The following SOX5 variants were observed in gnomAD, a reference collection of about 807,000 sequenced individuals.
SOX5 encodes transcription factor SOX-5.
A neutral mutation model predicts 92.0 loss-of-function variants in SOX5; 9 were observed. The observed-to-expected ratio is 0.10, with a 90% CI of 0.06 to 0.17. SOX5 has a LOEUF of 0.17. Ranked by LOEUF, SOX5 falls within the 10% of genes least tolerant of loss-of-function variation. The pLI, the probability that SOX5 is intolerant of heterozygous loss-of-function variation, is 1.00. For synonymous variants in SOX5, 344 were observed against 336.3 expected (o/e 1.02, Z -0.25); for missense variants, 642 against 944.5 (o/e 0.68, Z 4.20).
intron 8 of SOX5, among the ~76,000 whole-genome samples, chr12:23,607,135 T>A (rs1360343469): frequency 2.0e-5 from 3 of 152,192 alleles, no homozygotes; most frequent in African/African-American, 7.2e-5. Context: ...TGTGATCAGT[T>A]TTCCACTATT....
chr12:24,364,084 A>C (rs1955890200), intron 2 of SOX5, among the ~76,000 whole-genome samples: 1 of 152,180 alleles, frequency 6.6e-6, no homozygotes, highest in African/African-American at 2.4e-5. Context: ...GAAAAATCCC[A>C]ATCAGTGACC....
intron 11 of SOX5, among the ~76,000 whole-genome samples, chr12:23,561,222 C>T (rs1229441734): frequency 6.6e-6 from 1 of 152,130 alleles, no homozygotes; most frequent in African/African-American, 2.4e-5. Context: ...GAAGCAGTAG[C>T]TATCAACGGA....
intron 10 of SOX5, 131 bp downstream of exon 10, chr12:23,575,530 G>C (rs189913132): frequency 1.1e-5 from 8 of 745,272 alleles, no homozygotes; most frequent in Non-Finnish European, 1.5e-5. Flanking sequence ...GGACCTAGGT[G>C]GTTCCTCAAA....
At chr12:24,306,510 G>A (rs1380500012) in intron 2 of SOX5, among the ~76,000 whole-genome samples, 1 of 152,206 alleles carries the variant, frequency 6.6e-6, no homozygotes, top group Non-Finnish European at 1.5e-5. Context: ...ATAAGGAAGT[G>A]CAATCAATCT....
intron 1 of SOX5, among the ~76,000 whole-genome samples, chr12:24,548,641 G>T (rs1340575629): frequency 6.6e-6 from 1 of 152,120 alleles, no homozygotes; most frequent in Non-Finnish European, 1.5e-5. Context: ...TATCCCAATA[G>T]GTTAGTGGAA....
chr12:23,614,548 T>C (rs1008590034), intron 8 of SOX5, among the ~76,000 whole-genome samples: 4 of 152,248 alleles, frequency 2.6e-5, no homozygotes, highest in Admixed American at 1.3e-4. Flanking sequence ...ATAATATTTG[T>C]TTATCCATTT....
Position 24,119,265 on chromosome 12 carries a change from G to A in SOX5, c.-2+94078C>T, listed in dbSNP as rs561474950. Among the ~76,000 whole-genome samples the A allele has an allele frequency of 7.9e-5, 12 of 152,072 alleles. No individual in the cohort carries two copies. In the East Asian group the frequency reaches 1.5e-3, roughly 20 times the overall value. On this transcript the variant is annotated intron_variant, in intron 4 of 4. Coordinates refer to the SOX5 transcript ENST00000446891. ...TCTAAAATTCCTTAATCTTCAGAGC[G>A]AACAAAACATTGAGTAGAATTTTCC...
At chr12:24,376,034 T>A (rs1957229431) in intron 1 of SOX5, among the ~76,000 whole-genome samples, 2 of 152,312 alleles carry the variant, frequency 1.3e-5, no homozygotes, top group East Asian at 3.9e-4. Context: ...CTAAGAAAGA[T>A]GACCACTTCT....
At chr12:23,722,901 C>T (rs562129411) in intron 6 of SOX5, among the ~76,000 whole-genome samples, 1 of 152,282 alleles carries the variant, frequency 6.6e-6, no homozygotes, top group Non-Finnish European at 1.5e-5. Context: ...CAGCATTTTT[C>T]TTCTCAGCTT....
At chr12:24,244,778 C>T (rs1299165716) in intron 3 of SOX5, among the ~76,000 whole-genome samples, 1 of 152,164 alleles carries the variant, frequency 6.6e-6, no homozygotes, top group African/African-American at 2.4e-5. Context: ...CTGCAACCTC[C>T]GCCTCCTGAG....
At position 23,987,647 on chromosome 12, in the gene SOX5, G is replaced by A. The variant is rs141957431; in HGVS notation, c.-1-91623C>T. The stretch of plus-strand genomic sequence containing the variant: ...ATCTCTACAAAAAGTACAAAAATTA[G>A]CCAGGCATGGTGCTGTGTGCCTATA... On this transcript the variant is annotated intron_variant, in intron 4 of 4. Transcript: ENST00000446891. Among the ~76,000 whole-genome samples the A allele has an allele frequency of 1.5e-3, 228 of 152,266 alleles. 1 individual carries two copies. The highest frequency in any genetic ancestry group is 5.3e-3 in the African/African-American group (221 of 41,568).
intron 2 of SOX5, among the ~76,000 whole-genome samples, chr12:23,885,883 CAAA>C (rs34898602): frequency 0.24 from 34,172 of 143,002 alleles, 5,036 homozygotes; most frequent in East Asian, 0.78. Flanking sequence ...AAGAAAATGG[CAAA>C]AAAAAAAAAA....
intron 3 of SOX5, among the ~76,000 whole-genome samples, chr12:24,233,386 G>T (rs1322997034): frequency 1.3e-5 from 2 of 151,862 alleles, no homozygotes; most frequent in Non-Finnish European, 2.9e-5. Flanking sequence ...AAATTTACAA[G>T]CAAAAAGTAT....
At chr12:24,237,772 A>T (rs1964798959) in intron 3 of SOX5, 1 of 152,160 alleles carries the variant, frequency 6.6e-6, no homozygotes, top group South Asian at 2.1e-4. Context: ...TAGCCTATGG[A>T]AGTAATTATG....
chr12:23,976,850 T>C (rs1396667648), intron 4 of SOX5, among the ~76,000 whole-genome samples: 1 of 151,520 alleles, frequency 6.6e-6, no homozygotes, highest in Non-Finnish European at 1.5e-5. Context: ...AAAAACAGCA[T>C]ATATAAAACA....
intron 8 of SOX5, among the ~76,000 whole-genome samples, chr12:23,634,647 ACAGAGAGTGTTTT>A (rs1375018048): frequency 6.6e-6 from 1 of 152,196 alleles, no homozygotes; most frequent in Non-Finnish European, 1.5e-5. Context: ...GCTACCAGGC[ACAGAGAGTGTTTT>A]CATATGTTTA....
At chr12:24,080,509 C>G (rs941026762) in intron 4 of SOX5, among the ~76,000 whole-genome samples, 1 of 151,960 alleles carries the variant, frequency 6.6e-6, no homozygotes, top group African/African-American at 2.4e-5. Flanking sequence ...TTTTTGTGTG[C>G]ATTTATGTAG....
intron 2 of SOX5, among the ~76,000 whole-genome samples, chr12:24,287,517 T>C (rs556016025): frequency 6.7e-5 from 10 of 149,894 alleles, no homozygotes; most frequent in African/African-American, 2.2e-4. Flanking sequence ...ACTCAGCCCA[T>C]GGCAACCCAG....
At chr12:24,280,831 GT>G (rs35402540) in intron 2 of SOX5, among the ~76,000 whole-genome samples, 36,950 of 146,248 alleles carry the variant, frequency 0.25, 4,629 homozygotes, top group African/African-American at 0.29. Context: ...AAGTATTAAG[GT>G]TTTTTTTTTT....
Sources: gnomAD v4.1 joint callset for allele counts (sites outside exome capture counted in the v4.1 genomes callset) on GRCh38, gnomAD v4.1.1 for gene constraint, MANE v1.5 for transcripts, NCBI Gene and HGNC (gene_info 2026-07-23, HGNC 2026-07-21) for gene names.